The following LEPR variants were observed in gnomAD, a reference collection of about 807,000 sequenced individuals.
The protein encoded by LEPR is OB receptor.
LEPR carries 56 observed loss-of-function variants against 114.7 expected under a neutral mutation model. That is an observed-to-expected ratio of 0.49 (90% CI 0.39 to 0.61). The LOEUF is 0.61. Among genes scored for constraint, LEPR ranks in the 20% least tolerant of loss-of-function variants. The pLI is 0.00. For missense variants in LEPR, 1,202 were observed against 1,352.9 expected (o/e 0.89, Z 1.75); for synonymous variants, 443 against 461.4 (o/e 0.96, Z 0.51).
chr1:65,527,388 C>CG (rs1650045133), intron 2 of LEPR, among the ~76,000 whole-genome samples: 1 of 152,200 alleles, frequency 6.6e-6, no homozygotes, highest in Non-Finnish European at 1.5e-5. Context: ...CACACGCACA[C>CG]ACAAAAGTGT....
intron 2 of LEPR, among the ~76,000 whole-genome samples, chr1:65,473,298 T>A (rs1647113379): frequency 6.6e-6 from 1 of 152,248 alleles, no homozygotes; most frequent in Non-Finnish European, 1.5e-5. Context: ...GCCAATTTCT[T>A]GACACCATGC....
chr1:65,433,309 C>T lies in LEPR; in HGVS notation c.-21+7931C>T, dbSNP rs1442804430. ...ACTACGTGTTGATGTACTTGTCTTC[C>T]GTCCTGTAGGTCTTTTCTATATAAC... On this transcript the variant is annotated intron_variant, in intron 2 of 19. Coordinates refer to ENST00000349533, the MANE Select transcript of LEPR (RefSeq NM_002303.6). The T allele has an allele frequency of 1.7e-5, 17 of 985,388 alleles. No homozygotes were observed. The East Asian group carries it at 5.7e-4, about 33-fold the overall frequency. The allele number at this position is 985,388 out of a possible 1,614,324, so 61.0% of individuals were successfully genotyped here.
Position 65,421,497 on chromosome 1 carries a change from T to C in LEPR, c.-97+757T>C, listed in dbSNP as rs768182475. 1.3e-5 allele frequency: 20 copies of C among 1,535,036 alleles called. No individual in the cohort carries two copies. The South Asian group carries it at 2.0e-4, about 16-fold the overall frequency. ...TCCATTTCTAATCTGTCGAATAGAG[T>C]AGCATGACTTGTTTTTATATTGGCT... On this transcript the variant is annotated intron_variant, in intron 1 of 19. Coordinates refer to ENST00000349533, the MANE Select transcript of LEPR (RefSeq NM_002303.6).
chr1:65,523,795 G>A (rs1352016708), intron 2 of LEPR, among the ~76,000 whole-genome samples: 1 of 152,174 alleles, frequency 6.6e-6, no homozygotes, highest in African/African-American at 2.4e-5. Context: ...CCTAATTCCT[G>A]TAACCTGTGA....
At chr1:65,431,454 TGAAA>T (rs952807511) in intron 2 of LEPR, among the ~76,000 whole-genome samples, 4 of 152,250 alleles carry the variant, frequency 2.6e-5, no homozygotes, top group Non-Finnish European at 5.9e-5. Context: ...TTATTTTCCA[TGAAA>T]GAAGTTGATG....
Position 65,540,901 on chromosome 1 carries a change from G to T in LEPR, c.-20-24645G>T, listed in dbSNP as rs1221791753. ...GGCTAGAGTACAATGGTGCAATTTT[G>T]GCTCACTGTAATCTCTGCCTTTCAG... is the stretch of plus-strand genomic sequence containing the variant. On this transcript the variant is annotated intron_variant, in intron 2 of 19. Transcript: ENST00000349533. Among the ~76,000 whole-genome samples, 6 of 152,014 alleles carry T rather than the reference G, an allele frequency of 3.9e-5. No homozygotes were observed. The South Asian group carries it at 1.2e-3, about 32-fold the overall frequency.
At chr1:65,435,405 T>C (rs968029559) in intron 2 of LEPR, 1 of 839,678 alleles carries the variant, frequency 1.2e-6, no homozygotes, top group African/African-American at 1.9e-5. Context: ...TCTCGCTCTG[T>C]TGCCCAGGCT....
intron 19 of LEPR, among the ~76,000 whole-genome samples, chr1:65,628,924 A>G (rs927237579): frequency 1.3e-5 from 2 of 151,970 alleles, no homozygotes; most frequent in African/African-American, 4.8e-5. Flanking sequence ...ACCCCTCCGT[A>G]CCCTTAGTCT....
At chr1:65,539,442 A>G (rs1651025344) in intron 2 of LEPR, among the ~76,000 whole-genome samples, 2 of 152,176 alleles carry the variant, frequency 1.3e-5, no homozygotes, top group East Asian at 1.9e-4. Flanking sequence ...TGTTTTATCA[A>G]CTGATAGGCT....
At chr1:65,493,618 A>G (rs1197406969) in intron 2 of LEPR, among the ~76,000 whole-genome samples, 1 of 152,154 alleles carries the variant, frequency 6.6e-6, no homozygotes, top group South Asian at 2.1e-4. Flanking sequence ...TGTTAAGTAT[A>G]TTCACATTGT....
intron 2 of LEPR, among the ~76,000 whole-genome samples, chr1:65,443,812 C>T (rs1646679110): frequency 6.6e-6 from 1 of 152,020 alleles, no homozygotes; most frequent in Non-Finnish European, 1.5e-5. Context: ...AAAAGCTGTT[C>T]TTTTGGGGGT....
intron 11 of LEPR, among the ~76,000 whole-genome samples, chr1:65,606,533 G>A (rs1335720921): frequency 6.6e-6 from 1 of 152,182 alleles, no homozygotes; most frequent in Non-Finnish European, 1.5e-5. Flanking sequence ...GGCACTATGT[G>A]TCTGTTTTGT....
intron 2 of LEPR, among the ~76,000 whole-genome samples, chr1:65,549,290 G>C (rs1053951286): frequency 6.7e-6 from 1 of 150,022 alleles, no homozygotes; most frequent in Non-Finnish European, 1.5e-5. Context: ...ATGTGTCTTG[G>C]AGTTGCTCTT....
At chr1:65,607,435 G>C (rs1391494325) in intron 11 of LEPR, among the ~76,000 whole-genome samples, 1 of 152,204 alleles carries the variant, frequency 6.6e-6, no homozygotes, top group Non-Finnish European at 1.5e-5. Flanking sequence ...GCCGTGGGCA[G>C]GTGTGGAGGG....
chr1:65,581,778 C>G (rs556152818), intron 5 of LEPR, among the ~76,000 whole-genome samples: 1 of 152,250 alleles, frequency 6.6e-6, no homozygotes, highest in East Asian at 1.9e-4. Flanking sequence ...AAGAAGAAAC[C>G]AAGAGACATC....
chr1:65,433,494 G>A, intron 2 of LEPR: 5 of 985,274 alleles, frequency 5.1e-6, no homozygotes, highest in Non-Finnish European at 6.0e-6. Context: ...TTTAAGCATT[G>A]TTAAAGTATG....
chr1:65,468,512 A>G (rs1647043420), intron 2 of LEPR, among the ~76,000 whole-genome samples: 1 of 152,206 alleles, frequency 6.6e-6, no homozygotes, highest in Admixed American at 6.5e-5. Context: ...AGGAGTAAGT[A>G]TTTTTGTTTT....
intron 2 of LEPR, among the ~76,000 whole-genome samples, chr1:65,494,413 G>A (rs528420167): frequency 2.0e-5 from 3 of 151,922 alleles, no homozygotes. Context: ...GTCTCTTATA[G>A]TCACCTCTTG....
chr1:65,548,636 T>C (rs565380197), intron 2 of LEPR, among the ~76,000 whole-genome samples: 37 of 152,266 alleles, frequency 2.4e-4, no homozygotes, highest in African/African-American at 5.8e-4. Flanking sequence ...GCAACCCCGG[T>C]CTTTTTTTGT....
Sources: gnomAD v4.1 joint callset for allele counts (sites outside exome capture counted in the v4.1 genomes callset) on GRCh38, gnomAD v4.1.1 for gene constraint, MANE v1.5 for transcripts, NCBI Gene and HGNC (gene_info 2026-07-23, HGNC 2026-07-21) for gene names.